CNKSR2: variants seen among roughly 807,000 people sequenced by gnomAD.
CNKSR2 encodes the protein CNK homolog protein 2.
A neutral mutation model predicts 84.4 loss-of-function variants in CNKSR2; 14 were observed. The observed-to-expected ratio is 0.17, with a 90% CI of 0.11 to 0.26. CNKSR2 has a LOEUF of 0.26. Among genes scored for constraint, CNKSR2 ranks in the 10% least tolerant of loss-of-function variants. The probability of loss-of-function intolerance (pLI) is 1.00; values close to 1 mark genes in which losing one functional copy is unlikely to be tolerated. For missense variants in CNKSR2, 485 were observed against 771.2 expected (o/e 0.63, Z 4.40); for synonymous variants, 275 against 277.9 (o/e 0.99, Z 0.10).
chrX:21,479,021 T>C (rs2091288209), intron 5 of CNKSR2, among the ~76,000 whole-genome samples: 2 of 111,734 alleles, frequency 1.8e-5, no homozygotes, highest in South Asian at 7.5e-4. Context: ...TGGCGTACAT[T>C]GTAACCATTA....
At chrX:21,649,265 G>A (rs984515136) in intron 21 of CNKSR2, among the ~76,000 whole-genome samples, 5 of 111,980 alleles carry the variant, frequency 4.5e-5, no homozygotes, top group African/African-American at 1.3e-4. Context: ...CTCAGTTCTA[G>A]GAGAAAACAG....
At chrX:21,424,755 T>G (rs1369450785) in intron 1 of CNKSR2, 16 of 112,127 alleles carry the variant, frequency 1.4e-4, no homozygotes, top group Non-Finnish European at 1.1e-4. Flanking sequence ...AATTCCTTCA[T>G]TTTTCCCCTT....
At chrX:21,415,267 ACTT>A (rs1326172703) in intron 1 of CNKSR2, among the ~76,000 whole-genome samples, 3 of 110,476 alleles carry the variant, frequency 2.7e-5, no homozygotes, top group Admixed American at 9.6e-5. Flanking sequence ...GAGATCTTTC[ACTT>A]CTTTGGTTAA....
At position 21,418,324 on chromosome X, in the gene CNKSR2, C is replaced by T. The variant is rs748296686; in HGVS notation, c.65-8173C>T. 7.2e-5 allele frequency among the ~76,000 whole-genome samples: 8 copies of T among 111,498 alleles called. No individual in the cohort carries two copies. The East Asian group carries it at 1.4e-3, about 20-fold the overall frequency. On this transcript the variant is annotated intron_variant, in intron 1 of 21. Transcript: ENST00000379510. ...CTGCTTAGGATAAAAGGAATTTACA[C>T]GCCACAATTACAGTGTTGGTATAAT...
At chrX:21,396,893 T>C (rs1253637397) in intron 1 of CNKSR2, among the ~76,000 whole-genome samples, 1 of 111,947 alleles carries the variant, frequency 8.9e-6, no homozygotes, top group African/African-American at 3.2e-5. Flanking sequence ...CATCCTCTAT[T>C]AGAAACAAGA....
At chrX:21,601,485 G>A in intron 18 of CNKSR2, 136 bp downstream of exon 18, 2 of 417,617 alleles carry the variant, frequency 4.8e-6, no homozygotes, top group Non-Finnish European at 8.2e-6. Flanking sequence ...ACTTAAGTGA[G>A]GTTTAACAAC....
intron 1 of CNKSR2, among the ~76,000 whole-genome samples, chrX:21,385,392 A>G (rs1038438782): frequency 8.9e-6 from 1 of 112,094 alleles, no homozygotes; most frequent in African/African-American, 3.2e-5. Flanking sequence ...ATAAATGTCA[A>G]CTTTTTTAAA....
At chrX:21,587,826 C>T (rs145252259) in intron 13 of CNKSR2, among the ~76,000 whole-genome samples, 1 of 111,404 alleles carries the variant, frequency 9.0e-6, no homozygotes, top group Non-Finnish European at 1.9e-5. Context: ...TTGGATGTCC[C>T]CAAGACCACC....
At chrX:21,597,087 C>T (rs1938331030) in intron 17 of CNKSR2, among the ~76,000 whole-genome samples, 1 of 111,669 alleles carries the variant, frequency 9.0e-6, no homozygotes, top group Admixed American at 9.6e-5. Context: ...AAGATGGATG[C>T]ACTAGAATCC....
chrX:21,544,184 T>C (rs993815877), intron 11 of CNKSR2, among the ~76,000 whole-genome samples: 2 of 112,430 alleles, frequency 1.8e-5, no homozygotes, highest in African/African-American at 3.2e-5. Context: ...TAGCTGGCCA[T>C]TTAAATTATA....
At chrX:21,634,380 G>C (rs2092660733) in intron 20 of CNKSR2, among the ~76,000 whole-genome samples, 1 of 111,975 alleles carries the variant, frequency 8.9e-6, no homozygotes, top group African/African-American at 3.2e-5. Context: ...GCTGGGGAAG[G>C]TATCTTTCAT....
chrX:21,461,469 C>T (rs1482328462), intron 4 of CNKSR2, among the ~76,000 whole-genome samples: 1 of 111,695 alleles, frequency 9.0e-6, no homozygotes, highest in Admixed American at 9.5e-5. Flanking sequence ...CAAATATTTT[C>T]TCCCATGTTG....
intron 4 of CNKSR2, among the ~76,000 whole-genome samples, chrX:21,465,541 T>A (rs923802679): frequency 9.0e-6 from 1 of 111,551 alleles, no homozygotes; most frequent in Non-Finnish European, 1.9e-5. Context: ...ATAGATGGAT[T>A]ATTTATATAT....
chrX:21,530,936 A>G (rs2147121927), intron 10 of CNKSR2, among the ~76,000 whole-genome samples: 1 of 110,519 alleles, frequency 9.0e-6, no homozygotes, highest in South Asian at 3.8e-4. Flanking sequence ...CTAGAATCCT[A>G]TAGAAGAAAA....
At chrX:21,569,276 C>T (rs1420089410) in intron 13 of CNKSR2, among the ~76,000 whole-genome samples, 1 of 111,106 alleles carries the variant, frequency 9.0e-6, no homozygotes, top group Non-Finnish European at 1.9e-5. Context: ...TGTCTGCTGA[C>T]TAATCAGGGT....
At chrX:21,559,216 G>A (rs987842644) in intron 11 of CNKSR2, among the ~76,000 whole-genome samples, 1 of 110,563 alleles carries the variant, frequency 9.0e-6, no homozygotes, top group Non-Finnish European at 1.9e-5. Context: ...AGGAGATATA[G>A]TATAGAGCAA....
rs1021825278 is a variant in CNKSR2, at chrX:21,607,660, C to T, written c.2145+781C>T. Among the ~76,000 whole-genome samples the T allele has an allele frequency of 3.6e-5, 4 of 110,862 alleles. No individual in the cohort carries two copies. In the East Asian group the frequency reaches 1.1e-3, roughly 31 times the overall value. On this transcript the variant is annotated intron_variant, in intron 19 of 21. Coordinates refer to ENST00000379510, the MANE Select transcript of CNKSR2 (RefSeq NM_014927.5). ...CTCTACTAAAAATACAAAAATTAGCCAGGCATGGTGGTGGGCACCTGTAAT... is the reference window on the plus strand; with the variant it reads ...CTCTACTAAAAATACAAAAATTAGCTAGGCATGGTGGTGGGCACCTGTAAT...
chrX:21,460,658 T>A (rs2091050008), intron 4 of CNKSR2, among the ~76,000 whole-genome samples: 1 of 111,691 alleles, frequency 9.0e-6, no homozygotes, highest in Non-Finnish European at 1.9e-5. Context: ...TAACTGTATA[T>A]TTTTTGTACC....
intron 8 of CNKSR2, chrX:21,505,426 A>C (rs2091603011): frequency 9.0e-6 from 1 of 111,629 alleles, no homozygotes; most frequent in Admixed American, 9.6e-5. Context: ...AGACTGCAGC[A>C]AATAGGATGT....
Sources: allele counts gnomAD v4.1 joint callset (sites outside exome capture counted in the v4.1 genomes callset), GRCh38; gene constraint gnomAD v4.1.1; transcripts MANE v1.5; gene names NCBI Gene and HGNC (gene_info 2026-07-23, HGNC 2026-07-21).